Variants in COLEC12 observed in about 807,000 individuals in gnomAD.
COLEC12 encodes the protein collectin-12.
In COLEC12, 33 loss-of-function variants were observed where a neutral mutation model predicts 71.1. The observed-to-expected ratio is 0.46, with a 90% confidence interval of 0.35 to 0.62. COLEC12 has a LOEUF of 0.62. Among genes scored for constraint, COLEC12 ranks in the 20% least tolerant of loss-of-function variants. The pLI is 0.00. For synonymous variants in COLEC12, 350 were observed against 353.0 expected (o/e 0.99, Z 0.10); for missense variants, 765 against 916.1 (o/e 0.84, Z 2.13).
rs1479125308 is a variant in COLEC12 at position 411,424 on chromosome 18, G to A, written c.59-53902C>T. Among the ~76,000 whole-genome samples, 3 of 151,948 alleles carry A rather than the reference G, an allele frequency of 2.0e-5. No homozygotes were observed. In the East Asian group the frequency reaches 5.8e-4, roughly 29 times the overall value. On this transcript the variant is annotated intron_variant, in intron 2 of 9. Transcript: ENST00000400256. ...AGAGATTTTAGGATTACCTGACAAA[G>A]ATTAAAAAGCAGCCATGATAAATCA...
chr18:401,342 T>C (rs188663739), intron 2 of COLEC12, among the ~76,000 whole-genome samples: 146 of 152,356 alleles, frequency 9.6e-4, no homozygotes, highest in African/African-American at 3.4e-3. Context: ...GCTGGTCTTT[T>C]AAATAATTCC....
At chr18:350,616 A>G (rs1404107692) in intron 3 of COLEC12, among the ~76,000 whole-genome samples, 1 of 150,786 alleles carries the variant, frequency 6.6e-6, no homozygotes, top group Non-Finnish European at 1.5e-5. Flanking sequence ...TGTCCTTCTT[A>G]GTATCAATAG....
At chr18:496,342 A>G (rs1450030787) in intron 1 of COLEC12, among the ~76,000 whole-genome samples, 1 of 152,230 alleles carries the variant, frequency 6.6e-6, no homozygotes, top group Non-Finnish European at 1.5e-5. Flanking sequence ...ATGTATACTT[A>G]GCAATAATTA....
Position 319,891 on chromosome 18 carries a change from G to T in COLEC12, c.*154C>A. The T allele has an allele frequency of 1.5e-6, 1 of 647,536 alleles. No individual in the cohort carries two copies. The highest frequency in any genetic ancestry group is 2.9e-5 in the East Asian group (1 of 34,394). 40.1% of individuals were successfully genotyped at this position (647,536 alleles called of 1,614,324 possible). A position where few individuals can be genotyped will look rare whatever the true frequency, so the allele number is the denominator to read the frequency against. Reference sequence around the variant, plus strand: ...AGTTCCCAAGTCTTTGGGTAATGACGGATGGTAAAAAACACTAGCTGTCAA... The same window carrying T: ...AGTTCCCAAGTCTTTGGGTAATGACTGATGGTAAAAAACACTAGCTGTCAA... On this transcript the variant is annotated 3_prime_UTR_variant, in exon 10 of 10. Coordinates refer to ENST00000400256, the MANE Select transcript of COLEC12 (RefSeq NM_130386.3).
At chr18:351,725 G>A (rs552759663) in intron 3 of COLEC12, among the ~76,000 whole-genome samples, 11 of 152,162 alleles carry the variant, frequency 7.2e-5, no homozygotes, top group South Asian at 2.1e-4. Context: ...CTGTTACCAC[G>A]CCCGGCTAAT....
intron 2 of COLEC12, among the ~76,000 whole-genome samples, chr18:479,432 C>A (rs1013854546): frequency 6.6e-6 from 1 of 152,060 alleles, no homozygotes; most frequent in Admixed American, 6.6e-5. Context: ...GCTAAAGCAA[C>A]GCGGGAGGCA....
chr18:421,283 T>C (rs1238785530), intron 2 of COLEC12, among the ~76,000 whole-genome samples: 2 of 152,034 alleles, frequency 1.3e-5, no homozygotes, highest in African/African-American at 4.8e-5. Flanking sequence ...AAAAAATGTA[T>C]AAAGGTATGA....
intron 1 of COLEC12, among the ~76,000 whole-genome samples, chr18:493,647 T>C (rs959580036): frequency 7.2e-5 from 11 of 152,226 alleles, no homozygotes; most frequent in African/African-American, 2.2e-4. Context: ...TTCATTTTAT[T>C]TGGCATTTCT....
At chr18:420,641 G>T (rs1426258806) in intron 2 of COLEC12, among the ~76,000 whole-genome samples, 1 of 152,102 alleles carries the variant, frequency 6.6e-6, no homozygotes, top group Non-Finnish European at 1.5e-5. Context: ...GAACAGATTT[G>T]GCAAATGATT....
chr18:406,479 G>A (rs542526794), intron 2 of COLEC12, among the ~76,000 whole-genome samples: 7 of 122,338 alleles, frequency 5.7e-5, no homozygotes, highest in African/African-American at 9.6e-5. Flanking sequence ...ACTGCAGTCC[G>A]CAGTCCGGCC....
intron 2 of COLEC12, among the ~76,000 whole-genome samples, chr18:361,426 C>T (rs975056225): frequency 2.6e-5 from 4 of 152,134 alleles, no homozygotes; most frequent in Non-Finnish European, 4.4e-5. Flanking sequence ...CTTCCATTCC[C>T]ACTGGAATCT....
At chr18:489,640 A>G (rs1209125281) in intron 1 of COLEC12, among the ~76,000 whole-genome samples, 2 of 152,200 alleles carry the variant, frequency 1.3e-5, no homozygotes, top group Non-Finnish European at 2.9e-5. Context: ...AAATAGCAAG[A>G]GGATTATTAA....
intron 2 of COLEC12, among the ~76,000 whole-genome samples, chr18:460,415 G>C (rs1916959170): frequency 6.6e-6 from 1 of 152,158 alleles, no homozygotes; most frequent in African/African-American, 2.4e-5. Context: ...GTAGAATGCA[G>C]GAATTTATCT....
chr18:324,307 C>A (rs1913783840), intron 8 of COLEC12, among the ~76,000 whole-genome samples: 1 of 152,154 alleles, frequency 6.6e-6, no homozygotes, highest in African/African-American at 2.4e-5. Context: ...ACCTCATTCA[C>A]AGGTAGATTC....
At chr18:417,330 A>G (rs1916006882) in intron 2 of COLEC12, among the ~76,000 whole-genome samples, 1 of 152,250 alleles carries the variant, frequency 6.6e-6, no homozygotes, top group Non-Finnish European at 1.5e-5. Context: ...TATAAAAGAT[A>G]AACAATGATA....
chr18:424,017 C>T (rs1200250333), intron 2 of COLEC12: 1 of 152,212 alleles, frequency 6.6e-6, no homozygotes, highest in Non-Finnish European at 1.5e-5. Context: ...TACAGATGAG[C>T]ATTCATAGCT....
At chr18:495,068 T>A (rs1488028551) in intron 1 of COLEC12, among the ~76,000 whole-genome samples, 1 of 152,264 alleles carries the variant, frequency 6.6e-6, no homozygotes, top group Non-Finnish European at 1.5e-5. Flanking sequence ...TTGGGATTAC[T>A]AATTTATGTT....
intron 2 of COLEC12, among the ~76,000 whole-genome samples, chr18:470,440 G>A (rs1317968396): frequency 2.0e-5 from 3 of 151,442 alleles, no homozygotes; most frequent in Non-Finnish European, 4.4e-5. Flanking sequence ...TCACCATGTT[G>A]GCCAGGGTGG....
At chr18:329,764 C>T (rs1321259096) in intron 8 of COLEC12, among the ~76,000 whole-genome samples, 3 of 152,212 alleles carry the variant, frequency 2.0e-5, no homozygotes, top group African/African-American at 7.2e-5. Context: ...CAATATTTCG[C>T]CACATGTTTA....
Sources: gnomAD v4.1 joint callset for allele counts (sites outside exome capture counted in the v4.1 genomes callset) on GRCh38, gnomAD v4.1.1 for gene constraint, MANE v1.5 for transcripts, NCBI Gene and HGNC (gene_info 2026-07-23, HGNC 2026-07-21) for gene names.